Variants in TGFB2 observed in about 807,000 individuals in gnomAD.
The protein encoded by TGFB2 is transforming growth factor beta 2, also known as transforming growth factor beta-2 proprotein.
TGFB2 carries 13 observed loss-of-function variants against 42.7 expected under a neutral mutation model. That is an observed-to-expected ratio of 0.30 (90% CI 0.20 to 0.48). The LOEUF is 0.48. Among genes scored for constraint, TGFB2 ranks in the 20% least tolerant of loss-of-function variants. TGFB2 has a pLI of 0.99. For missense variants in TGFB2, 390 were observed against 517.5 expected (o/e 0.75, Z 2.39); for synonymous variants, 193 against 193.6 (o/e 1.00, Z 0.03).
intron 1 of TGFB2, among the ~76,000 whole-genome samples, chr1:218,397,110 T>C (rs987807308): frequency 3.3e-5 from 5 of 149,404 alleles, no homozygotes; most frequent in African/African-American, 1.2e-4. Flanking sequence ...CTACTAAAAA[T>C]ACAAAAAATT....
chr1:218,363,388 G>A (rs1010880978), intron 1 of TGFB2: 3 of 1,613,870 alleles, frequency 1.9e-6, no homozygotes, highest in African/African-American at 1.3e-5. Flanking sequence ...TTGTGCTCCA[G>A]ACAGTCCCAG....
chr1:218,421,116 A>G (rs967286891), intron 2 of TGFB2, among the ~76,000 whole-genome samples: 2 of 152,168 alleles, frequency 1.3e-5, no homozygotes, highest in African/African-American at 4.8e-5. Context: ...TTAGACAGGA[A>G]GAGAGAGCTC....
chr1:218,432,189 A>T (rs1258837652), intron 2 of TGFB2, among the ~76,000 whole-genome samples: 1 of 152,162 alleles, frequency 6.6e-6, no homozygotes, highest in African/African-American at 2.4e-5. Flanking sequence ...AACCTCCTTG[A>T]GTTTGCTTCC....
intron 1 of TGFB2, among the ~76,000 whole-genome samples, chr1:218,394,804 A>G (rs541659157): frequency 6.6e-6 from 1 of 152,318 alleles, no homozygotes; most frequent in South Asian, 2.1e-4. Flanking sequence ...TGGTAGTGAA[A>G]TAAAATCCAT....
chr1:218,363,509 C>A, intron 1 of TGFB2: 1 of 1,284,680 alleles, frequency 7.8e-7, no homozygotes. Context: ...TTGCCAGAGG[C>A]AAGATGAGAT....
intron 1 of TGFB2, among the ~76,000 whole-genome samples, chr1:218,368,660 G>A (rs1657469648): frequency 6.6e-6 from 1 of 152,180 alleles, no homozygotes; most frequent in African/African-American, 2.4e-5. Context: ...TTTTATATAA[G>A]CTGGGCATGG....
chr1:218,438,166 C>G (rs1160642469), intron 6 of TGFB2, among the ~76,000 whole-genome samples: 1 of 152,190 alleles, frequency 6.6e-6, no homozygotes, highest in Non-Finnish European at 1.5e-5. Flanking sequence ...CATCATTCTA[C>G]TCTCTGCCTC....
Position 218,435,439 on chromosome 1 carries a change from A to G in TGFB2, c.755-531A>G, listed in dbSNP as rs1659939981. Among the ~76,000 whole-genome samples the G allele has an allele frequency of 2.0e-5, 3 of 152,214 alleles. No individual in the cohort carries two copies. The South Asian group carries it at 6.2e-4, about 31-fold the overall frequency. ...AAATAAATGAAAAAGCCCTTTCTTC[A>G]CAGCTTCCCAAAATAGCATTAGGTA... On this transcript the variant is annotated intron_variant, in intron 4 of 6. Coordinates refer to ENST00000366930, the MANE Select transcript of TGFB2 (RefSeq NM_003238.6).
At chr1:218,379,225 C>T (rs938258063) in intron 1 of TGFB2, among the ~76,000 whole-genome samples, 13 of 151,456 alleles carry the variant, frequency 8.6e-5, no homozygotes, top group South Asian at 4.2e-4. Flanking sequence ...CTCCGCCTCC[C>T]GGGTTCACGC....
In TGFB2 at chr1:218,346,777, A is replaced by G; in HGVS notation, c.76A>G (p.Thr26Ala). ...TVALSLSTCS[T>A]LDMDQFMRKR... is the part of the protein sequence containing the mutation. ...CGCGCTCAGCCTGTCTACCTGCAGC[A>G]CACTCGATATGGACCAGTTCATGCG... is the stretch of plus-strand genomic sequence containing the variant. The change falls in exon 1 of 7, where the codon ACA (threonine) becomes GCA (alanine). Residue 26 changes from threonine (T) to alanine (A), a missense_variant. Thr to Ala is a moderately conservative substitution (Grantham distance 58, BLOSUM62 0). Coordinates refer to ENST00000366930, the MANE Select transcript of TGFB2 (RefSeq NM_003238.6). This position sits in a 1 kb window ranked among gnomAD's most constrained non-coding sequence, Gnocchi z 4.9. 6.2e-7 allele frequency: 1 copy of G among 1,614,134 alleles called. No individual in the cohort carries two copies. The highest frequency in any genetic ancestry group is 8.5e-7 in the Non-Finnish European group (1 of 1,180,038).
At chr1:218,429,319 G>A (rs1659730626) in intron 2 of TGFB2, among the ~76,000 whole-genome samples, 1 of 152,130 alleles carries the variant, frequency 6.6e-6, no homozygotes, top group African/African-American at 2.4e-5. Flanking sequence ...CCTATTTAAA[G>A]TACCTTTTGT....
chr1:218,397,524 A>T (rs898619444), intron 1 of TGFB2, among the ~76,000 whole-genome samples: 9 of 149,292 alleles, frequency 6.0e-5, no homozygotes, highest in Non-Finnish European at 8.8e-5. Flanking sequence ...AGATCGCGCC[A>T]CTGCACTCCA....
intron 2 of TGFB2, among the ~76,000 whole-genome samples, chr1:218,411,465 C>T (rs1372259477): frequency 1.3e-5 from 2 of 152,108 alleles, no homozygotes; most frequent in African/African-American, 4.8e-5. Flanking sequence ...GGCTCCTCCC[C>T]CTAGATAGTC....
chr1:218,432,231 T>TAAATA (rs1318611962), intron 2 of TGFB2, among the ~76,000 whole-genome samples: 1 of 152,174 alleles, frequency 6.6e-6, no homozygotes, highest in Non-Finnish European at 1.5e-5. Flanking sequence ...TTTTGAGGAT[T>TAAATA]AAATAAAATA....
intron 1 of TGFB2, among the ~76,000 whole-genome samples, chr1:218,351,103 C>G (rs947396000): frequency 6.6e-6 from 1 of 152,150 alleles, no homozygotes. Context: ...AGAATGAATA[C>G]CAATGACACT....
At position 218,433,162 on chromosome 1, in the gene TGFB2, G is replaced by T. The variant is rs12037898; in HGVS notation, c.511-920G>T. Among the ~76,000 whole-genome samples, 111 of 152,124 alleles carry T rather than the reference G, an allele frequency of 7.3e-4. No homozygotes were observed. The East Asian group carries it at 9.9e-3, about 14-fold the overall frequency. On this transcript the variant is annotated intron_variant, in intron 2 of 6. Transcript: ENST00000366930. ...CGGCTCACTGCAACCTCCGTCTCCC[G>T]GGTTCGGGTGATTGTCCTGCTTCAG...
At chr1:218,370,714 T>C (rs1280488962) in intron 1 of TGFB2, among the ~76,000 whole-genome samples, 1 of 152,186 alleles carries the variant, frequency 6.6e-6, no homozygotes, top group Admixed American at 6.5e-5. Context: ...GTGGCTCTGT[T>C]CCATGAGCTC....
Position 218,441,589 on chromosome 1 carries a change from C to A in TGFB2, c.*227C>A. The A allele has an allele frequency of 2.7e-6, 1 of 369,674 alleles. No individual in the cohort carries two copies. Among genetic ancestry groups the A allele is most frequent in the South Asian group, 9.7e-5 (1 of 10,300 alleles). 22.9% of individuals were successfully genotyped at this position (369,674 alleles called of 1,614,324 possible). A position where few individuals can be genotyped will look rare whatever the true frequency, so the allele number is the denominator to read the frequency against. ...GTTGAAGGCCTTATTCTACATTTCA[C>A]CTACTTTGTAAGTGAGAGAGACAAG... On this transcript the variant is annotated 3_prime_UTR_variant, in exon 7 of 7. Coordinates refer to ENST00000366930, the MANE Select transcript of TGFB2 (RefSeq NM_003238.6).
intron 1 of TGFB2, among the ~76,000 whole-genome samples, chr1:218,394,623 A>G (rs1187109467): frequency 6.6e-6 from 1 of 152,128 alleles, no homozygotes; most frequent in African/African-American, 2.4e-5. Context: ...GTCTGATATC[A>G]TCCCCCTCTC....
Sources: gnomAD v4.1 joint callset for allele counts (sites outside exome capture counted in the v4.1 genomes callset) on GRCh38, gnomAD v4.1.1 for gene constraint, Gnocchi (gnomAD v3.1) non-coding constraint, MANE v1.5 for transcripts, NCBI Gene and HGNC (gene_info 2026-07-23, HGNC 2026-07-21) for gene names.